The following ITIH6 variants were observed in gnomAD, a reference collection of about 807,000 sequenced individuals.
ITIH6 encodes the protein inter-alpha-trypsin inhibitor heavy chain H6.
In ITIH6, 60 loss-of-function variants were observed where a neutral mutation model predicts 58.2. The observed-to-expected ratio is 1.03, with a 90% CI of 0.84 to 1.28. The LOEUF is 1.28. Among genes scored for constraint, ITIH6 ranks in the 50% most tolerant of loss-of-function variants. The pLI is 0.00. For missense variants in ITIH6, 1,290 were observed against 1,021.1 expected, an observed-to-expected ratio of 1.26 and a Z score of -3.59; for synonymous variants, 493 against 417.4, an observed-to-expected ratio of 1.18 and a Z score of -2.21.
At chrX:54,759,981 ATTGAAAGGCT>A in intron 6 of ITIH6, 54 bp from the exon 7 acceptor site, 1 of 1,009,468 alleles carries the variant, frequency 9.9e-7, no homozygotes, top group Non-Finnish European at 1.4e-6. Context: ...GGTCTATGAG[ATTGAAAGGCT>A]TTTTCTACAC....
Position 54,751,318 on chromosome X carries a change from G to A in ITIH6, c.3415C>T (p.Arg1139Cys), listed in dbSNP as rs754153112. The change falls in exon 12 of 13, where the codon CGC becomes TGC. Residue 1139 changes from arginine to cysteine, a missense_variant. Physicochemically the swap from Arg to Cys is radical, Grantham distance 180. Transcript: ENST00000218436. ...ACTGTGATGATCTGGAAGTAGGTGC[G>A]AGTCTGGTCCTTGTGGCCCGGCCTT... ...PPRPGHKDQT[R>C]TYFQIITVTT... 8.3e-7 allele frequency: 1 copy of A among 1,211,829 alleles called. No homozygotes were observed.
At chrX:54,754,443 G>A (rs2147599840) in intron 9 of ITIH6, among the ~76,000 whole-genome samples, 1 of 111,956 alleles carries the variant, frequency 8.9e-6, no homozygotes, top group Non-Finnish European at 1.9e-5. Context: ...TATCCAGGTG[G>A]GGCCTGACCT....
At chrX:54,791,869 C>T in intron 3 of ITIH6, 57 bp downstream of exon 3, 1 of 671,975 alleles carries the variant, frequency 1.5e-6, no homozygotes, top group Non-Finnish European at 2.4e-6. Context: ...ACGTGCATCT[C>T]CCCTGATCAC....
chrX:54,758,502 G>A lies in ITIH6; in HGVS notation c.1572C>T (p.Gly524=). 8.3e-7 allele frequency: 1 copy of A among 1,210,012 alleles called. No homozygotes were observed. Among genetic ancestry groups the A allele is most frequent in the Non-Finnish European group, 1.1e-6 (1 of 894,766 alleles). The change falls in exon 8 of 13, where the codon GGC becomes GGT. Residue 524 remains glycine, a synonymous_variant. Coordinates refer to ENST00000218436, the MANE Select transcript of ITIH6 (RefSeq NM_198510.3). ...GGGCCACAAGAAGCTGATCCTTGGG[G>A]CCACGGGCTGCCAGGTGGATGCCCA... ...QELGIHLAAR[G]PKDQLLVAHH... is the part of the protein sequence containing the mutation.
At chrX:54,773,350 G>C (rs1928990726) in intron 6 of ITIH6, among the ~76,000 whole-genome samples, 1 of 111,546 alleles carries the variant, frequency 9.0e-6, no homozygotes, top group African/African-American at 3.3e-5. Flanking sequence ...TGGGGCTGGG[G>C]AGCTGGCTTG....
rs762415577 is a variant in ITIH6 at position 54,789,657 on chromosome X, C to G, written c.617-1008G>C. On this transcript the variant is annotated intron_variant, in intron 4 of 12. Coordinates refer to ENST00000218436, the MANE Select transcript of ITIH6 (RefSeq NM_198510.3). Reference sequence around the variant, plus strand: ...TGTCCCTGGACAAGCGACTCATTCTCTCTAAGCCTCTGGCTCCTCATCTAC... The same window carrying G: ...TGTCCCTGGACAAGCGACTCATTCTGTCTAAGCCTCTGGCTCCTCATCTAC... Among the ~76,000 whole-genome samples the G allele has an allele frequency of 1.2e-3, 132 of 112,605 alleles. 1 individual carries two copies. Among genetic ancestry groups the G allele is most frequent in the African/African-American group, 3.7e-3 (115 of 31,015 alleles).
In ITIH6 at chrX:54,798,073, A is replaced by G. The variant is rs1159683467; in HGVS notation, c.102+36T>C. The stretch of plus-strand genomic sequence containing the variant: ...CCCCCAAGAAGCTAATTTTATCACA[A>G]ATCCCCAAGCTTTTTTCCCTCATCC... On this transcript the variant is annotated intron_variant, in intron 1 of 12. Coordinates refer to ENST00000218436, the MANE Select transcript of ITIH6 (RefSeq NM_198510.3). 6.0e-6 allele frequency: 6 copies of G among 995,826 alleles called. No homozygotes were observed. In the South Asian group the frequency reaches 8.6e-5, roughly 14 times the overall value. The allele number at this position is 995,826 out of a possible 1,213,427, so 82.1% of individuals were successfully genotyped here.
intron 6 of ITIH6, among the ~76,000 whole-genome samples, chrX:54,772,386 A>G (rs113502622): frequency 0.023 from 2,598 of 112,092 alleles, 64 homozygotes; most frequent in African/African-American, 0.08. Context: ...TTGAAAAATG[A>G]TGTATTACAT....
chrX:54,781,658 A>G (rs1929150984), intron 5 of ITIH6, among the ~76,000 whole-genome samples: 2 of 112,653 alleles, frequency 1.8e-5, no homozygotes, highest in East Asian at 2.8e-4. Context: ...TTCAACCACT[A>G]TGGAAGACAG....
chrX:54,788,070 G>T (rs1929273164), intron 5 of ITIH6, among the ~76,000 whole-genome samples: 1 of 111,743 alleles, frequency 8.9e-6, no homozygotes, highest in Admixed American at 9.5e-5. Flanking sequence ...TGGCTCCACT[G>T]AAGCAATAAG....
chrX:54,790,729 A>G (rs901112043), intron 4 of ITIH6, 108 bp downstream of exon 4: 11 of 975,792 alleles, frequency 1.1e-5, no homozygotes, highest in Non-Finnish European at 1.6e-5. Context: ...GGAACTTGGC[A>G]GTGAGTACAG....
At position 54,749,023 on chromosome X, in the gene ITIH6, G is replaced by C. The variant is rs1434642719; in HGVS notation, c.*872C>G. On this transcript the variant is annotated 3_prime_UTR_variant, in exon 13 of 13. Coordinates refer to ENST00000218436, the MANE Select transcript of ITIH6 (RefSeq NM_198510.3). ...TGTCCATGTTTGTTTTGTGATTCCT[G>C]TGTTTCCATAAATGTCTGTCCCTCT... 1 of 111,171 alleles carries C rather than the reference G, an allele frequency of 9.0e-6. No homozygotes were observed. The highest frequency in any genetic ancestry group is 1.9e-5 in the Non-Finnish European group (1 of 53,056). 9.2% of individuals were successfully genotyped at this position (111,171 alleles called of 1,213,427 possible).
chrX:54,763,413 A>G (rs1362661549), intron 6 of ITIH6, among the ~76,000 whole-genome samples: 1 of 112,001 alleles, frequency 8.9e-6, no homozygotes, highest in Non-Finnish European at 1.9e-5. Flanking sequence ...TTGACCGGGA[A>G]TAGACTGTAG....
chrX:54,772,320 G>T (rs1390145579), intron 6 of ITIH6, among the ~76,000 whole-genome samples: 2 of 111,983 alleles, frequency 1.8e-5, no homozygotes, highest in African/African-American at 6.5e-5. Context: ...ACACAAAGAA[G>T]GGGACAAGAG....
chrX:54,760,226 T>G (rs1226135890), intron 6 of ITIH6, among the ~76,000 whole-genome samples: 3 of 112,037 alleles, frequency 2.7e-5, no homozygotes, highest in Non-Finnish European at 3.8e-5. Flanking sequence ...GTAGCCACAT[T>G]TCAAGTGTTC....
chrX:54,792,042 G>A lies in ITIH6; in HGVS notation c.258-6C>T, dbSNP rs1929360273. 8.5e-7 allele frequency: 1 copy of A among 1,173,852 alleles called. No homozygotes were observed. The highest frequency in any genetic ancestry group is 3.0e-5 in the East Asian group (1 of 33,706). ...AGACTTTATTGTTGATGGTCCTAATGGGGCAGGAAAGAGGAGGGACAGTAG... is the reference window on the plus strand; with the variant it reads ...AGACTTTATTGTTGATGGTCCTAATAGGGCAGGAAAGAGGAGGGACAGTAG... On this transcript the variant is annotated splice_polypyrimidine_tract_variant and splice_region_variant and intron_variant, in intron 2 of 12. Coordinates refer to ENST00000218436, the MANE Select transcript of ITIH6 (RefSeq NM_198510.3).
In ITIH6 at chrX:54,758,692, T is replaced by C; in HGVS notation, c.1382A>G (p.Gln461Arg). The C allele has an allele frequency of 8.3e-7, 1 of 1,211,526 alleles. No individual in the cohort carries two copies. The highest frequency in any genetic ancestry group is 1.1e-6 in the Non-Finnish European group (1 of 895,386). The change falls in exon 8 of 13, where the codon CAG becomes CGG. Residue 461 changes from glutamine (Q) to arginine (R), a missense_variant. By Grantham distance (43) the Gln-to-Arg change is conservative (BLOSUM62 1). Coordinates refer to ENST00000218436, the MANE Select transcript of ITIH6 (RefSeq NM_198510.3). ...RIYEDTDAAL[Q>R]LKGLYEEISM... is the part of the protein sequence containing the mutation. ...GATCTCCTCATAGAGGCCCTTCAGC[T>C]GTAGGGCCGCATCAGTGTCCTCATA...
rs369173624 is a variant in ITIH6 at position 54,768,601 on chromosome X, G to T, written c.903+5480C>A. Among the ~76,000 whole-genome samples, 19 of 108,546 alleles carry T rather than the reference G, an allele frequency of 1.8e-4. No homozygotes were observed. In the South Asian group the frequency reaches 3.3e-3, roughly 19 times the overall value. The allele number at this position is 108,546 out of a possible 115,157, so 94.3% of individuals were successfully genotyped here. A position where few individuals can be genotyped will look rare whatever the true frequency, so the allele number is the denominator to read the frequency against. ...GGGCAGGCCTGGTGGTGACAAAATC[G>T]GTCAGCATTTGCTTGTCTGTAAAGT... On this transcript the variant is annotated intron_variant, in intron 6 of 12. Coordinates refer to ENST00000218436, the MANE Select transcript of ITIH6 (RefSeq NM_198510.3).
rs1928306503 is a variant in ITIH6 at position 54,749,494 on chromosome X, A to G, written c.*401T>C. 7.6e-6 allele frequency: 1 copy of G among 131,484 alleles called. No individual in the cohort carries two copies. The highest frequency in any genetic ancestry group is 8.6e-5 in the Admixed American group (1 of 11,582). 10.8% of individuals were successfully genotyped at this position (131,484 alleles called of 1,213,427 possible). ...AAGGAAGAGTGTTTCATGCAGAAGG[A>G]AAAGCACATGCAATGGTCCAGTGGT... is the stretch of plus-strand genomic sequence containing the variant. On this transcript the variant is annotated 3_prime_UTR_variant, in exon 13 of 13. Coordinates refer to ENST00000218436, the MANE Select transcript of ITIH6 (RefSeq NM_198510.3).
Sources: allele counts gnomAD v4.1 joint callset (sites outside exome capture counted in the v4.1 genomes callset), GRCh38; gene constraint gnomAD v4.1.1; transcripts MANE v1.5; gene names NCBI Gene and HGNC (gene_info 2026-07-23, HGNC 2026-07-21).